CNTNAP2: variants seen among roughly 807,000 people sequenced by gnomAD.
The protein encoded by CNTNAP2 is contactin associated protein 2, also known as contactin-associated protein-like 2.
CNTNAP2 carries 98 observed loss-of-function variants against 155.2 expected under a neutral mutation model. That is an observed-to-expected ratio of 0.63 (90% CI 0.54 to 0.75). CNTNAP2 has a LOEUF of 0.75. CNTNAP2 is among the 30% of genes least tolerant of loss of function. CNTNAP2 has a pLI of 0.00. For missense variants in CNTNAP2, 1,727 were observed against 1,688.1 expected (o/e 1.02, Z -0.40); for synonymous variants, 651 against 631.2 (o/e 1.03, Z -0.47).
At chr7:146,304,920 T>C (rs995312999) in intron 1 of CNTNAP2, among the ~76,000 whole-genome samples, 1 of 152,140 alleles carries the variant, frequency 6.6e-6, no homozygotes, top group Non-Finnish European at 1.5e-5. Flanking sequence ...CAGATGTAGA[T>C]TTGGTCTTTT....
chr7:147,125,185 T>G (rs948003374), intron 6 of CNTNAP2, among the ~76,000 whole-genome samples: 10 of 151,774 alleles, frequency 6.6e-5, no homozygotes, highest in African/African-American at 2.4e-4. Context: ...CAGCCCTAAT[T>G]TTTGTATTTT....
intron 1 of CNTNAP2, among the ~76,000 whole-genome samples, chr7:146,529,490 G>T (rs17170134): frequency 0.42 from 63,507 of 151,884 alleles, 14,456 homozygotes; most frequent in African/African-American, 0.61. Context: ...CAAGAACATT[G>T]ATGATCCCTT....
chr7:146,661,530 T>C (rs935603786), intron 1 of CNTNAP2, among the ~76,000 whole-genome samples: 6 of 151,996 alleles, frequency 3.9e-5, no homozygotes, highest in Admixed American at 3.3e-4. Context: ...ACTATATAGT[T>C]TGTACCCATG....
At chr7:146,828,791 A>T (rs1803456087) in intron 2 of CNTNAP2, among the ~76,000 whole-genome samples, 1 of 152,100 alleles carries the variant, frequency 6.6e-6, no homozygotes. Context: ...CCTAATTGTC[A>T]CTATTTTACA....
At chr7:146,151,664 A>ATATATATATG (rs1798046962) in intron 1 of CNTNAP2, among the ~76,000 whole-genome samples, 1 of 48,238 alleles carries the variant, frequency 2.1e-5, no homozygotes, top group Non-Finnish European at 4.1e-5. Flanking sequence ...ATATATATAT[A>ATATATATATG]TATATATATA....
intron 4 of CNTNAP2, among the ~76,000 whole-genome samples, chr7:147,084,788 T>C (rs1476466667): frequency 2.7e-5 from 4 of 147,574 alleles, no homozygotes; most frequent in Admixed American, 2.1e-4. Context: ...AACATGATGA[T>C]GTAATACATA....
intron 1 of CNTNAP2, among the ~76,000 whole-genome samples, chr7:146,757,661 A>G (rs1182012734): frequency 6.6e-6 from 1 of 152,192 alleles, no homozygotes; most frequent in East Asian, 1.9e-4. Flanking sequence ...TTAGAACTTA[A>G]GTTTTCTAAA....
intron 1 of CNTNAP2, among the ~76,000 whole-genome samples, chr7:146,686,838 T>C (rs1800609342): frequency 6.6e-6 from 1 of 152,258 alleles, no homozygotes; most frequent in African/African-American, 2.4e-5. Flanking sequence ...CAGCAAAGCT[T>C]TGGAACAGAT....
At chr7:146,848,942 A>T (rs57089459) in intron 3 of CNTNAP2, among the ~76,000 whole-genome samples, 5,555 of 151,930 alleles carry the variant, frequency 0.037, 332 homozygotes, top group African/African-American at 0.12. Context: ...CATGCTAATG[A>T]TTGTATTTTT....
intron 8 of CNTNAP2, among the ~76,000 whole-genome samples, chr7:147,156,083 G>A (rs902358189): frequency 6.6e-6 from 1 of 152,118 alleles, no homozygotes; most frequent in Non-Finnish European, 1.5e-5. Context: ...TCTTCCTCCA[G>A]TACTTGTATC....
chr7:146,374,676 G>A (rs1226026726), intron 1 of CNTNAP2, among the ~76,000 whole-genome samples: 1 of 152,138 alleles, frequency 6.6e-6, no homozygotes, highest in Admixed American at 6.5e-5. Context: ...TAAATATTGT[G>A]TTCTAGCTTT....
At chr7:146,443,049 A>G (rs1796347939) in intron 1 of CNTNAP2, among the ~76,000 whole-genome samples, 1 of 151,806 alleles carries the variant, frequency 6.6e-6, no homozygotes. Context: ...TACTAAAAAA[A>G]AAATACAAAA....
At chr7:146,500,077 A>G (rs76692763) in intron 1 of CNTNAP2, among the ~76,000 whole-genome samples, 12,214 of 150,744 alleles carry the variant, frequency 0.081, 1,387 homozygotes, top group African/African-American at 0.25. Flanking sequence ...TGCTGAACTC[A>G]TTTATTAATT....
intron 13 of CNTNAP2, among the ~76,000 whole-genome samples, chr7:147,684,272 G>A (rs1393060345): frequency 6.6e-6 from 1 of 151,758 alleles, no homozygotes. Context: ...TGTGGTTAAG[G>A]TTTAACATTC....
intron 1 of CNTNAP2, among the ~76,000 whole-genome samples, chr7:146,192,569 A>T (rs4445149): frequency 1.3e-5 from 2 of 151,756 alleles, no homozygotes; most frequent in African/African-American, 2.4e-5. Context: ...CTCATGCGAC[A>T]TATTCACTAT....
chr7:147,260,084 G>A (rs376912518), intron 8 of CNTNAP2, among the ~76,000 whole-genome samples: 7 of 152,252 alleles, frequency 4.6e-5, no homozygotes, highest in Non-Finnish European at 1.0e-4. Flanking sequence ...ATGTTTTTCC[G>A]CGGAAACTAT....
chr7:147,602,434 C>T (rs1262224619), intron 12 of CNTNAP2, among the ~76,000 whole-genome samples: 2 of 150,474 alleles, frequency 1.3e-5, no homozygotes, highest in African/African-American at 4.9e-5. Context: ...CATCAATGGG[C>T]AATTAATATA....
At chr7:147,466,073 A>ATT (rs1798114542) in intron 10 of CNTNAP2, among the ~76,000 whole-genome samples, 1 of 152,222 alleles carries the variant, frequency 6.6e-6, no homozygotes, top group African/African-American at 2.4e-5. Context: ...ATGCATATAC[A>ATT]TGGGAGCCTG....
intron 1 of CNTNAP2, among the ~76,000 whole-genome samples, chr7:146,718,567 G>T (rs2129176623): frequency 6.6e-6 from 1 of 152,200 alleles, no homozygotes; most frequent in Non-Finnish European, 1.5e-5. Context: ...GCAATGAAAT[G>T]ATTAAAAATA....
Sources: gnomAD v4.1 joint callset for allele counts (sites outside exome capture counted in the v4.1 genomes callset) on GRCh38, gnomAD v4.1.1 for gene constraint, MANE v1.5 for transcripts, NCBI Gene and HGNC (gene_info 2026-07-23, HGNC 2026-07-21) for gene names.